HSPA9: variants seen among roughly 807,000 people sequenced by gnomAD.
HSPA9 encodes the protein heat shock protein family A (Hsp70) member 9, also known as stress-70 protein, mitochondrial.
In HSPA9, 28 loss-of-function variants were observed where a neutral mutation model predicts 81.5. That is an observed-to-expected ratio of 0.34 (90% CI 0.25 to 0.47). HSPA9 has a LOEUF of 0.47. Among genes scored for constraint, HSPA9 ranks in the 20% least tolerant of loss-of-function variants. The pLI is 1.00. For synonymous variants in HSPA9, 293 were observed against 290.4 expected, an observed-to-expected ratio of 1.01 and a Z score of -0.09; for missense variants, 678 against 838.0, an observed-to-expected ratio of 0.81 and a Z score of 2.36.
Position 138,570,948 on chromosome 5 carries a change from G to T in HSPA9, c.410+12C>A. On this transcript the variant is annotated intron_variant, in intron 4 of 16. Transcript: ENST00000297185. ...TAACTGCTTTTTGCAAAAAACTTTT[G>T]CTGTTACTCACATGTCTTTCTGTAC... is the stretch of plus-strand genomic sequence containing the variant. 1 of 1,613,770 alleles carries T rather than the reference G, an allele frequency of 6.2e-7. No individual in the cohort carries two copies. The highest frequency in any genetic ancestry group is 8.5e-7 in the Non-Finnish European group (1 of 1,179,712).
In HSPA9 at chr5:138,560,111, A is replaced by G; in HGVS notation, c.1183-20T>C. 1 of 1,594,922 alleles carries G rather than the reference A, an allele frequency of 6.3e-7. No individual in the cohort carries two copies. Among genetic ancestry groups the G allele is most frequent in the Non-Finnish European group, 8.6e-7 (1 of 1,163,768 alleles). ...CTGAACCTGAACATCAAGGAAAAAGAACCTGTCGGCCCACACTTGGGAACT... is the reference window on the plus strand; with the variant it reads ...CTGAACCTGAACATCAAGGAAAAAGGACCTGTCGGCCCACACTTGGGAACT... On this transcript the variant is annotated intron_variant, in intron 10 of 16. Transcript: ENST00000297185.
At chr5:138,571,850 T>C (rs1178374644) in intron 3 of HSPA9, among the ~76,000 whole-genome samples, 1 of 142,178 alleles carries the variant, frequency 7.0e-6, no homozygotes, top group African/African-American at 2.6e-5. Context: ...TTAGTAGAGA[T>C]GGGGTTTTGC....
At chr5:138,574,563 A>C (rs939712869) in intron 1 of HSPA9, among the ~76,000 whole-genome samples, 2 of 152,238 alleles carry the variant, frequency 1.3e-5, no homozygotes, top group Non-Finnish European at 2.9e-5. Context: ...GAAAGAAAAA[A>C]GAAAAGTAGT....
In HSPA9 at chr5:138,555,902, CAAATTAA is replaced by C. The variant is rs1050109308; in HGVS notation, c.*128_*134del. On this transcript the variant is annotated 3_prime_UTR_variant, in exon 17 of 17. Transcript: ENST00000297185. ...CACTAGCTAATGGTCACTAAATTTA[CAAATTAA>C]GGAAATTATATATAGAATACTGCAA... The C allele has an allele frequency of 4.3e-6, 3 of 690,336 alleles. No individual in the cohort carries two copies. In the African/African-American group the frequency reaches 5.4e-5, roughly 12 times the overall value. The allele number at this position is 690,336 out of a possible 1,614,324, so 42.8% of individuals were successfully genotyped here.
rs759647678 is a variant in HSPA9 at position 138,561,597 on chromosome 5, T to C, written c.1165A>G (p.Met389Val). Reference sequence around the variant, plus strand: ...GTCCATACCTTGGGCATCCTAGTCATGCCACCCACAAGAATCACTTCTCCT... The same window carrying C: ...GTCCATACCTTGGGCATCCTAGTCACGCCACCCACAAGAATCACTTCTCCT... ...DIGEVILVGGMTRMPKVQQTV... is the reference protein window; with the variant it reads ...DIGEVILVGGVTRMPKVQQTV... The change falls in exon 10 of 17, where the codon ATG becomes GTG. Residue 389 changes from methionine (M) to valine (V), a missense_variant. Physicochemically the swap from Met to Val is conservative, Grantham distance 21. Transcript: ENST00000297185. 7.4e-6 allele frequency: 12 copies of C among 1,613,218 alleles called. No individual in the cohort carries two copies. The highest frequency in any genetic ancestry group is 1.0e-5 in the Non-Finnish European group (12 of 1,179,896).
intron 9 of HSPA9, among the ~76,000 whole-genome samples, chr5:138,564,596 TCTCA>T (rs757829775): frequency 3.7e-4 from 56 of 152,326 alleles, no homozygotes; most frequent in Admixed American, 2.1e-3. Flanking sequence ...AGACGGGGGT[TCTCA>T]CTATTTTGCC....
chr5:138,571,852 G>T (rs976384976), intron 3 of HSPA9, among the ~76,000 whole-genome samples: 4 of 148,510 alleles, frequency 2.7e-5, no homozygotes, highest in African/African-American at 7.4e-5. Flanking sequence ...AGTAGAGATG[G>T]GGTTTTGCCA....
chr5:138,566,808 G>A (rs1172387972), intron 8 of HSPA9, 90 bp from the exon 9 acceptor site: 1 of 1,139,522 alleles, frequency 8.8e-7, no homozygotes, highest in South Asian at 1.2e-5. Context: ...ACAAAATGGA[G>A]TCATACCTTT....
At chr5:138,573,656 A>AAAAG (rs1751003570) in intron 3 of HSPA9, 107 bp downstream of exon 3, 4 of 616,530 alleles carry the variant, frequency 6.5e-6, no homozygotes, top group Non-Finnish European at 1.1e-5. Flanking sequence ...AAAAAAAAAA[A>AAAAG]AAAAAAAAAA....
intron 11 of HSPA9, 92 bp downstream of exon 11, chr5:138,559,772 G>A: frequency 1.2e-6 from 1 of 846,596 alleles, no homozygotes. Flanking sequence ...TAAAAATGAA[G>A]TTTTCTAGAA....
At chr5:138,569,165 A>C in intron 4 of HSPA9, 116 bp from the exon 5 acceptor site, 2 of 928,598 alleles carry the variant, frequency 2.2e-6, no homozygotes, top group Non-Finnish European at 3.5e-6. Context: ...ATGGCCAACA[A>C]ATGACAGTTT....
At chr5:138,562,491 C>T (rs565628384) in intron 9 of HSPA9, among the ~76,000 whole-genome samples, 4 of 151,890 alleles carry the variant, frequency 2.6e-5, no homozygotes, top group African/African-American at 7.2e-5. Context: ...GTGGAGGTTG[C>T]GGTGAGCCGA....
At position 138,575,219 on chromosome 5, in the gene HSPA9, G is replaced by A. The variant is rs751786093; in HGVS notation, c.81+19C>T. 2 of 1,576,758 alleles carry A rather than the reference G, an allele frequency of 1.3e-6. No individual in the cohort carries two copies. The highest frequency in any genetic ancestry group is 1.1e-5 in the South Asian group (1 of 87,540). Reference sequence around the variant, plus strand: ...GGCCCGAGGCCGTGACCCCATTCGGGAAGGTCCCAGTTCCTCACCTGGTGG... The same window carrying A: ...GGCCCGAGGCCGTGACCCCATTCGGAAAGGTCCCAGTTCCTCACCTGGTGG... On this transcript the variant is annotated intron_variant, in intron 1 of 16. Transcript: ENST00000297185.
intron 9 of HSPA9, among the ~76,000 whole-genome samples, chr5:138,565,562 TA>T (rs1750744147): frequency 6.6e-6 from 1 of 152,226 alleles, no homozygotes; most frequent in African/African-American, 2.4e-5. Flanking sequence ...AACACAGATC[TA>T]AAATGGTTTA....
intron 9 of HSPA9, among the ~76,000 whole-genome samples, chr5:138,565,257 T>C (rs951807951): frequency 1.3e-5 from 2 of 152,196 alleles, no homozygotes; most frequent in African/African-American, 4.8e-5. Flanking sequence ...TGCCAGGTAT[T>C]TCAACCTCAA....
intron 4 of HSPA9, among the ~76,000 whole-genome samples, chr5:138,569,372 T>G (rs912033533): frequency 6.6e-6 from 1 of 152,230 alleles, no homozygotes; most frequent in South Asian, 2.1e-4. Flanking sequence ...TACTGTATGA[T>G]CCAGCAATTC....
intron 3 of HSPA9, among the ~76,000 whole-genome samples, chr5:138,572,809 C>T (rs1158013154): frequency 1.3e-5 from 2 of 152,040 alleles, no homozygotes; most frequent in Non-Finnish European, 2.9e-5. Flanking sequence ...GCCAACCCCC[C>T]AAAAAACTTA....
At chr5:138,575,123 C>T (rs1352859061) in intron 1 of HSPA9, 115 bp downstream of exon 1, 3 of 721,030 alleles carry the variant, frequency 4.2e-6, no homozygotes, top group African/African-American at 1.8e-5. Flanking sequence ...CCTTCCTTCC[C>T]GCCTGACCTA....
chr5:138,555,999 C>T lies in HSPA9; in HGVS notation c.*38G>A. 6.9e-7 allele frequency: 1 copy of T among 1,452,236 alleles called. No individual in the cohort carries two copies. The highest frequency in any genetic ancestry group is 9.7e-7 in the Non-Finnish European group (1 of 1,033,292). The allele number at this position is 1,452,236 out of a possible 1,614,324, so 90.0% of individuals were successfully genotyped here. Reference sequence around the variant, plus strand: ...AGGAAGTCTCTTCACTCCTAAGCTTCATATGTTGTCCTTCTGGCTTCAAAA... The same window carrying T: ...AGGAAGTCTCTTCACTCCTAAGCTTTATATGTTGTCCTTCTGGCTTCAAAA... On this transcript the variant is annotated 3_prime_UTR_variant, in exon 17 of 17. Transcript: ENST00000297185.
Sources: allele counts gnomAD v4.1 joint callset (sites outside exome capture counted in the v4.1 genomes callset), GRCh38; gene constraint gnomAD v4.1.1; transcripts MANE v1.5; gene names NCBI Gene and HGNC (gene_info 2026-07-23, HGNC 2026-07-21).